Variants in EXOC4 observed in about 807,000 individuals in gnomAD.
The protein encoded by EXOC4 is SEC8-like 1.
EXOC4 carries 71 observed loss-of-function variants against 107.2 expected under a neutral mutation model. The ratio of observed to expected loss-of-function variants is 0.66; its 90% CI spans 0.55 to 0.81. EXOC4 has a LOEUF of 0.81. Ranked by LOEUF, EXOC4 falls within the 30% of genes least tolerant of loss-of-function variation. The pLI is 0.00. For missense variants in EXOC4, 1,108 were observed against 1,189.6 expected (o/e 0.93, Z 1.01); for synonymous variants, 456 against 441.2 (o/e 1.03, Z -0.42).
At chr7:133,290,539 A>G (rs1422014682) in intron 3 of EXOC4, among the ~76,000 whole-genome samples, 1 of 152,248 alleles carries the variant, frequency 6.6e-6, no homozygotes. Context: ...TGTAGCAAAT[A>G]TACATCTATT....
intron 10 of EXOC4, among the ~76,000 whole-genome samples, chr7:133,804,325 A>G (rs1797020049): frequency 6.6e-6 from 1 of 152,192 alleles, no homozygotes; most frequent in Admixed American, 6.5e-5. Context: ...CTAATATCAT[A>G]ACTGTCTTTG....
At chr7:134,028,693 A>T (rs749324114) in intron 17 of EXOC4, among the ~76,000 whole-genome samples, 3 of 152,152 alleles carry the variant, frequency 2.0e-5, no homozygotes, top group Non-Finnish European at 4.4e-5. Context: ...TCCAATGAAG[A>T]TTTCTCCTTT....
chr7:133,968,233 G>A lies in EXOC4; in HGVS notation c.2207-29259G>A, dbSNP rs529261942. On this transcript the variant is annotated intron_variant, in intron 14 of 17. Transcript: ENST00000253861. ...ATCCCTCTATTTTGAGCCTATGTGTGTCTTTGCATGTGAGATGGGTCTCCT... is the reference window on the plus strand; with the variant it reads ...ATCCCTCTATTTTGAGCCTATGTGTATCTTTGCATGTGAGATGGGTCTCCT... Among the ~76,000 whole-genome samples, 6 of 152,096 alleles carry A rather than the reference G, an allele frequency of 3.9e-5. No homozygotes were observed. The East Asian group carries it at 1.2e-3, about 29-fold the overall frequency.
chr7:133,782,061 A>G (rs936938430), intron 10 of EXOC4, among the ~76,000 whole-genome samples: 1 of 152,198 alleles, frequency 6.6e-6, no homozygotes, highest in Non-Finnish European at 1.5e-5. Context: ...TCAGTGTCAA[A>G]AGGCTGCCAA....
intron 10 of EXOC4, among the ~76,000 whole-genome samples, chr7:133,809,474 CT>C (rs1450823538): frequency 4.6e-5 from 7 of 152,188 alleles, no homozygotes; most frequent in Non-Finnish European, 7.4e-5. Flanking sequence ...TTTTTTTAGT[CT>C]TTATTAATAG....
chr7:133,797,108 G>A (rs1248651803), intron 10 of EXOC4, among the ~76,000 whole-genome samples: 2 of 152,134 alleles, frequency 1.3e-5, no homozygotes, highest in Non-Finnish European at 2.9e-5. Flanking sequence ...ATCCCTGACC[G>A]GCTTAGGAAC....
intron 10 of EXOC4, among the ~76,000 whole-genome samples, chr7:133,696,478 T>C (rs1794535577): frequency 6.6e-6 from 1 of 152,254 alleles, no homozygotes; most frequent in Non-Finnish European, 1.5e-5. Context: ...CAGCACATTT[T>C]CAGTTTGCAC....
chr7:133,354,138 G>T (rs771214866), intron 5 of EXOC4, among the ~76,000 whole-genome samples: 4 of 151,344 alleles, frequency 2.6e-5, no homozygotes, highest in Non-Finnish European at 5.9e-5. Flanking sequence ...TCTTTTTCAG[G>T]GACAGTTTCT....
chr7:133,918,914 C>T (rs1585248332), intron 13 of EXOC4, among the ~76,000 whole-genome samples: 1 of 152,320 alleles, frequency 6.6e-6, no homozygotes, highest in Middle Eastern at 3.4e-3. Context: ...CCCATGTTTT[C>T]ATTCATCACA....
intron 1 of EXOC4, among the ~76,000 whole-genome samples, chr7:133,265,155 A>T (rs1793695220): frequency 6.6e-6 from 1 of 152,140 alleles, no homozygotes. Flanking sequence ...TTCTGGAAAG[A>T]TCAGTAAGCT....
At chr7:133,304,570 A>G (rs895566633) in intron 3 of EXOC4, among the ~76,000 whole-genome samples, 4 of 152,196 alleles carry the variant, frequency 2.6e-5, no homozygotes, top group Non-Finnish European at 4.4e-5. Context: ...TGGATAAGCC[A>G]TCACATTTTC....
chr7:134,004,805 A>G, intron 15 of EXOC4, 107 bp from the exon 16 acceptor site: 1 of 933,124 alleles, frequency 1.1e-6, no homozygotes, highest in Non-Finnish European at 1.6e-6. Context: ...CTAGTCTTAC[A>G]TTTATTAATG....
chr7:133,911,548 C>T (rs988138674), intron 12 of EXOC4, among the ~76,000 whole-genome samples: 5 of 152,032 alleles, frequency 3.3e-5, no homozygotes, highest in Admixed American at 2.0e-4. Flanking sequence ...AAAATGGGAT[C>T]GATGCATATT....
At chr7:133,714,063 A>C (rs1794950354) in intron 10 of EXOC4, among the ~76,000 whole-genome samples, 1 of 152,128 alleles carries the variant, frequency 6.6e-6, no homozygotes, top group Non-Finnish European at 1.5e-5. Context: ...ATGTGGGCAC[A>C]ACCACTGTCA....
At chr7:133,513,729 G>C (rs1208044146) in intron 9 of EXOC4, among the ~76,000 whole-genome samples, 1 of 152,080 alleles carries the variant, frequency 6.6e-6, no homozygotes, top group Non-Finnish European at 1.5e-5. Context: ...AGAATGTGTT[G>C]CTCTTTGTAA....
the EXOC4 span, among the ~76,000 whole-genome samples, chr7:134,086,866 G>T: frequency 4.0e-4 from 61 of 152,176 alleles, no homozygotes; most frequent in Admixed American, 4.6e-4. Flanking sequence ...GATTATTCAT[G>T]CCTCGCCTTT....
At chr7:133,326,806 G>A (rs984743568) in intron 5 of EXOC4, among the ~76,000 whole-genome samples, 3 of 152,350 alleles carry the variant, frequency 2.0e-5, no homozygotes, top group South Asian at 2.1e-4. Flanking sequence ...GCCCCCAGAG[G>A]TGCAGTCTAC....
chr7:133,308,459 A>T (rs2150571152), intron 4 of EXOC4, among the ~76,000 whole-genome samples: 1 of 152,322 alleles, frequency 6.6e-6, no homozygotes, highest in South Asian at 2.1e-4. Flanking sequence ...GTCACCTACA[A>T]GCGAAGGAGA....
chr7:133,609,593 A>C (rs886153658), intron 9 of EXOC4, among the ~76,000 whole-genome samples: 1 of 152,256 alleles, frequency 6.6e-6, no homozygotes, highest in African/African-American at 2.4e-5. Flanking sequence ...AAACATTTAT[A>C]TGTGTAAAGC....
Sources: allele counts gnomAD v4.1 joint callset (sites outside exome capture counted in the v4.1 genomes callset), GRCh38; gene constraint gnomAD v4.1.1; transcripts MANE v1.5; gene names NCBI Gene and HGNC (gene_info 2026-07-23, HGNC 2026-07-21).